The following IL1RAPL1 variants were observed in gnomAD, a reference collection of about 807,000 sequenced individuals.
IL1RAPL1 encodes interleukin-1 receptor accessory protein-like 1.
In IL1RAPL1, 3 loss-of-function variants were observed where a neutral mutation model predicts 48.4. The ratio of observed to expected loss-of-function variants is 0.06; its 90% confidence interval spans 0.03 to 0.16. The LOEUF (loss-of-function observed/expected upper bound fraction) is 0.16. IL1RAPL1 is among the 10% of genes least tolerant of loss of function. IL1RAPL1 has a pLI of 1.00. For missense variants in IL1RAPL1, 349 were observed against 530.6 expected, an observed-to-expected ratio of 0.66 and a Z score of 3.36; for synonymous variants, 185 against 187.7, an observed-to-expected ratio of 0.99 and a Z score of 0.12.
intron 1 of IL1RAPL1, among the ~76,000 whole-genome samples, chrX:28,651,652 C>T (rs1275422995): frequency 8.9e-6 from 1 of 112,576 alleles, no homozygotes; most frequent in Non-Finnish European, 1.9e-5. Context: ...TATGTTACAA[C>T]AATCCTTCTC....
chrX:29,358,914 G>A (rs1020501676), intron 3 of IL1RAPL1, among the ~76,000 whole-genome samples: 1 of 109,117 alleles, frequency 9.2e-6, no homozygotes, highest in African/African-American at 3.3e-5. Context: ...CCAGCCACTC[G>A]GGAGGCTGAG....
At chrX:29,098,653 T>G (rs1404054295) in intron 2 of IL1RAPL1, among the ~76,000 whole-genome samples, 3 of 111,693 alleles carry the variant, frequency 2.7e-5, no homozygotes, top group Non-Finnish European at 5.6e-5. Flanking sequence ...AAAAAGTTAC[T>G]GAGGTCACTG....
At chrX:29,498,486 G>A (rs1476679391) in intron 5 of IL1RAPL1, among the ~76,000 whole-genome samples, 5 of 107,547 alleles carry the variant, frequency 4.6e-5, no homozygotes, top group East Asian at 5.8e-4. Flanking sequence ...GATTCCTTAC[G>A]CTTAGTCCTC....
At chrX:29,444,409 G>A (rs1447868364) in intron 5 of IL1RAPL1, among the ~76,000 whole-genome samples, 3 of 109,015 alleles carry the variant, frequency 2.8e-5, no homozygotes, top group Non-Finnish European at 5.7e-5. Context: ...AGAATTTGTG[G>A]CCTTTTGAAA....
intron 2 of IL1RAPL1, among the ~76,000 whole-genome samples, chrX:28,864,994 G>A (rs1372065378): frequency 8.9e-6 from 1 of 111,933 alleles, no homozygotes; most frequent in Non-Finnish European, 1.9e-5. Context: ...CAGGATACAT[G>A]CCAAGGTAGA....
At chrX:29,648,943 G>T (rs1339511737) in intron 5 of IL1RAPL1, among the ~76,000 whole-genome samples, 1 of 111,400 alleles carries the variant, frequency 9.0e-6, no homozygotes, top group South Asian at 3.7e-4. Flanking sequence ...TTACAACCTA[G>T]ACTGAAGAAA....
At chrX:29,526,150 C>T (rs1935550357) in intron 5 of IL1RAPL1, among the ~76,000 whole-genome samples, 2 of 111,890 alleles carry the variant, frequency 1.8e-5, no homozygotes, top group Non-Finnish European at 3.8e-5. Flanking sequence ...ATATTTGCCT[C>T]AGAGTTTATA....
At chrX:29,684,842 A>T (rs1163312010) in intron 6 of IL1RAPL1, among the ~76,000 whole-genome samples, 1 of 112,080 alleles carries the variant, frequency 8.9e-6, no homozygotes, top group Non-Finnish European at 1.9e-5. Context: ...ATCCCTTCTT[A>T]AATAGCAAGC....
intron 2 of IL1RAPL1, among the ~76,000 whole-genome samples, chrX:28,985,748 C>T (rs111972943): frequency 2.2e-4 from 24 of 107,748 alleles, no homozygotes; most frequent in African/African-American, 8.2e-4. Context: ...CAAGCTCCGC[C>T]TCCCGGGTTC....
At chrX:28,822,296 C>T in intron 2 of IL1RAPL1, among the ~76,000 whole-genome samples, 1 of 111,568 alleles carries the variant, frequency 9.0e-6, no homozygotes, top group Middle Eastern at 4.6e-3. Context: ...ATGTGGCCCA[C>T]AGCGTGTTTT....
chrX:28,721,009 G>C (rs1223044791), intron 1 of IL1RAPL1, among the ~76,000 whole-genome samples: 2 of 112,222 alleles, frequency 1.8e-5, no homozygotes, highest in African/African-American at 6.5e-5. Context: ...GGACATTTGG[G>C]TTGGTTCCAA....
chrX:29,349,387 A>C (rs1165653447), intron 3 of IL1RAPL1, among the ~76,000 whole-genome samples: 1 of 111,991 alleles, frequency 8.9e-6, no homozygotes, highest in African/African-American at 3.2e-5. Context: ...AATATCTTTA[A>C]GTTTATGAGT....
At chrX:28,673,647 C>A (rs886712993) in intron 1 of IL1RAPL1, among the ~76,000 whole-genome samples, 1 of 111,028 alleles carries the variant, frequency 9.0e-6, no homozygotes. Flanking sequence ...AGCACTGGTC[C>A]TCTGAAAGGG....
intron 3 of IL1RAPL1, among the ~76,000 whole-genome samples, chrX:29,387,501 A>G (rs778844773): frequency 5.3e-5 from 6 of 112,346 alleles, no homozygotes; most frequent in Middle Eastern, 4.6e-3. Flanking sequence ...TCACACATTT[A>G]TCTTCCCTAT....
At chrX:29,732,279 C>T (rs1020400790) in intron 6 of IL1RAPL1, among the ~76,000 whole-genome samples, 3 of 111,714 alleles carry the variant, frequency 2.7e-5, no homozygotes, top group Non-Finnish European at 5.6e-5. Flanking sequence ...TTTTCCTTCA[C>T]TTGGCACTGT....
intron 2 of IL1RAPL1, among the ~76,000 whole-genome samples, chrX:28,865,812 T>C (rs1922064753): frequency 8.9e-6 from 1 of 111,922 alleles, no homozygotes; most frequent in Non-Finnish European, 1.9e-5. Context: ...TGCCTCAAGA[T>C]GAAATGTGTG....
intron 1 of IL1RAPL1, among the ~76,000 whole-genome samples, chrX:28,788,941 A>G (rs1936503891): frequency 8.9e-6 from 1 of 112,081 alleles, no homozygotes. Flanking sequence ...CTATTGCAGC[A>G]TGGAATGTTA....
intron 6 of IL1RAPL1, among the ~76,000 whole-genome samples, chrX:29,845,589 C>G (rs1931230832): frequency 9.0e-6 from 1 of 111,424 alleles, no homozygotes; most frequent in African/African-American, 3.3e-5. Flanking sequence ...CATTGTGTTC[C>G]CAGTAACTTA....
chrX:29,771,897 G>A (rs1259628140), intron 6 of IL1RAPL1, among the ~76,000 whole-genome samples: 1 of 111,340 alleles, frequency 9.0e-6, no homozygotes, highest in Non-Finnish European at 1.9e-5. Flanking sequence ...AGGCAAGGAG[G>A]AGCAAGAGGA....
Sources: allele counts gnomAD v4.1 joint callset (sites outside exome capture counted in the v4.1 genomes callset), GRCh38; gene constraint gnomAD v4.1.1; transcripts MANE v1.5; gene names NCBI Gene and HGNC (gene_info 2026-07-23, HGNC 2026-07-21).